YES1: variants seen among roughly 807,000 people sequenced by gnomAD.
The protein encoded by YES1 is YES proto-oncogene 1, Src family tyrosine kinase.
YES1 carries 39 observed loss-of-function variants against 70.4 expected under a neutral mutation model. The observed-to-expected ratio is 0.55, with a 90% CI of 0.43 to 0.72. The LOEUF is 0.72. Ranked by LOEUF, YES1 falls within the 30% of genes least tolerant of loss-of-function variation. The pLI, the probability that YES1 is intolerant of heterozygous loss-of-function variation, is 0.00. For synonymous variants in YES1, 198 were observed against 218.6 expected, an observed-to-expected ratio of 0.91 and a Z score of 0.83; for missense variants, 495 against 644.8, an observed-to-expected ratio of 0.77 and a Z score of 2.52.
At chr18:810,007 A>G (rs553924071) in intron 1 of YES1, among the ~76,000 whole-genome samples, 16 of 142,546 alleles carry the variant, frequency 1.1e-4, no homozygotes, top group African/African-American at 3.7e-4. Flanking sequence ...ATTTCCTTGC[A>G]GGTTTTTTTT....
chr18:727,856 T>C (rs1017881169), intron 11 of YES1, among the ~76,000 whole-genome samples: 2 of 152,148 alleles, frequency 1.3e-5, no homozygotes, highest in African/African-American at 4.8e-5. Context: ...TTCCCTGGCT[T>C]CCATATCTGA....
intron 1 of YES1, among the ~76,000 whole-genome samples, chr18:777,335 T>C (rs1905432933): frequency 6.6e-6 from 1 of 152,226 alleles, no homozygotes; most frequent in Non-Finnish European, 1.5e-5. Context: ...TGTAACTTGA[T>C]TCTGATTAAT....
At chr18:806,484 A>C (rs929899019) in intron 1 of YES1, among the ~76,000 whole-genome samples, 3 of 152,240 alleles carry the variant, frequency 2.0e-5, no homozygotes, top group South Asian at 2.1e-4. Context: ...GTAGAGGTGT[A>C]CTCAAAAGAT....
chr18:796,875 T>TA (rs1317169736), intron 1 of YES1, among the ~76,000 whole-genome samples: 1 of 152,082 alleles, frequency 6.6e-6, no homozygotes, highest in Non-Finnish European at 1.5e-5. Flanking sequence ...AGTGTGAAAA[T>TA]AGATTTAATA....
chr18:740,541 A>G (rs1237102061), intron 8 of YES1, among the ~76,000 whole-genome samples: 1 of 152,220 alleles, frequency 6.6e-6, no homozygotes, highest in Non-Finnish European at 1.5e-5. Context: ...GTCCAGAGCT[A>G]GGGAGACCAA....
At chr18:726,195 G>A (rs2080016526) in intron 11 of YES1, among the ~76,000 whole-genome samples, 1 of 151,898 alleles carries the variant, frequency 6.6e-6, no homozygotes, top group Admixed American at 6.6e-5. Context: ...GGAGGCCGAG[G>A]CAGGCAGATC....
intron 1 of YES1, among the ~76,000 whole-genome samples, chr18:769,040 T>TA (rs36004586): frequency 0.053 from 8,080 of 152,238 alleles, 287 homozygotes; most frequent in Non-Finnish European, 0.085. Flanking sequence ...ACCATTGTGT[T>TA]ACAACTGCCT....
chr18:739,084 C>CT (rs2080187669), intron 9 of YES1: 1 of 152,292 alleles, frequency 6.6e-6, no homozygotes, highest in Non-Finnish European at 1.5e-5. Flanking sequence ...CTCGGCCTCT[C>CT]AAAGTGCTCA....
In YES1 at chr18:745,737, G is replaced by C. The variant is rs746080500; in HGVS notation, c.695C>G (p.Thr232Ser). 6.2e-7 allele frequency: 1 copy of C among 1,611,890 alleles called. No homozygotes were observed. The highest frequency in any genetic ancestry group is 1.7e-5 in the Admixed American group (1 of 59,606). Reference protein sequence around the residue: ...YYITTRAQFDTLQKLVKHYTE... With the variant: ...YYITTRAQFDSLQKLVKHYTE... The stretch of plus-strand genomic sequence containing the variant: ...GTAGTGTTTCACCAATTTCTGCAGA[G>C]TATCAAATTGTGCTCTGGTTGTGAT... Residue 232 changes from threonine to serine, a missense_variant, in exon 6 of 12, where the codon ACT becomes AGT. By Grantham distance (58) the Thr-to-Ser change is moderately conservative. This residue lies in a region of YES1 where 385 missense variants were observed against 540.9 expected (regional missense o/e 0.71). Transcript: ENST00000314574.
chr18:744,760 C>T (rs12954187), intron 6 of YES1, among the ~76,000 whole-genome samples: 17,324 of 139,100 alleles, frequency 0.12, 1,339 homozygotes, highest in South Asian at 0.24. Context: ...TCTTGAACTC[C>T]TGGCCTCAAG....
At chr18:750,559 T>C (rs890245481) in intron 3 of YES1, among the ~76,000 whole-genome samples, 13 of 152,286 alleles carry the variant, frequency 8.5e-5, no homozygotes, top group African/African-American at 2.9e-4. Flanking sequence ...AAATATCCCC[T>C]GGGTGATTCT....
intron 1 of YES1, among the ~76,000 whole-genome samples, chr18:797,441 T>A (rs867668498): frequency 6.6e-6 from 1 of 151,910 alleles, no homozygotes; most frequent in African/African-American, 2.4e-5. Flanking sequence ...CACTTTATTA[T>A]GGAAAGAGGA....
Position 724,267 on chromosome 18 carries a change from G to GA in YES1, c.*156dup, listed in dbSNP as rs1319799918. On this transcript the variant is annotated 3_prime_UTR_variant, in exon 12 of 12. Transcript: ENST00000314574. Reference sequence around the variant, plus strand: ...GGTACATTAGAGTTTAATACTTGGGGAAAAAAAAGTGGTTTTGTGCAACCA... The same window carrying GA: ...GGTACATTAGAGTTTAATACTTGGGGAAAAAAAAAGTGGTTTTGTGCAACCA... 5.5e-5 allele frequency: 37 copies of GA among 674,432 alleles called. No homozygotes were observed. Among genetic ancestry groups the GA allele is most frequent in the South Asian group, 1.0e-4 (5 of 50,076 alleles). 41.8% of individuals were successfully genotyped at this position (674,432 alleles called of 1,614,324 possible).
chr18:763,896 C>T lies in YES1; in HGVS notation c.-8-7061G>A, dbSNP rs186914740. Among the ~76,000 whole-genome samples the T allele has an allele frequency of 6.1e-3, 923 of 151,896 alleles. 3 individuals carry two copies. The highest frequency in any genetic ancestry group is 0.016 in the South Asian group (79 of 4,800). On this transcript the variant is annotated intron_variant, in intron 1 of 11. Coordinates refer to ENST00000314574, the MANE Select transcript of YES1 (RefSeq NM_005433.4). ...CAGCACTTTGGGAGGCCGAGGCGGG[C>T]AGATCATGAGGTCAGGAGATCGAGA...
chr18:740,064 TC>T (rs1244505650), intron 8 of YES1, among the ~76,000 whole-genome samples: 2 of 152,232 alleles, frequency 1.3e-5, no homozygotes, highest in South Asian at 2.1e-4. Context: ...AGGCATTTTT[TC>T]CTCGCTTTGA....
chr18:782,895 A>G (rs1236569072), intron 1 of YES1, among the ~76,000 whole-genome samples: 2 of 152,164 alleles, frequency 1.3e-5, no homozygotes, highest in East Asian at 1.9e-4. Flanking sequence ...GGGTTTCGCC[A>G]TATTAGCCAC....
intron 11 of YES1, among the ~76,000 whole-genome samples, chr18:732,458 C>CA (rs2080103717): frequency 9.4e-6 from 1 of 106,510 alleles, no homozygotes; most frequent in African/African-American, 4.0e-5. Flanking sequence ...AAAAAAAAAA[C>CA]AAAACACCAA....
intron 10 of YES1, 133 bp downstream of exon 10, chr18:736,675 G>T (rs1258883406): frequency 8.4e-7 from 1 of 1,197,300 alleles, no homozygotes; most frequent in Non-Finnish European, 1.1e-6. Flanking sequence ...ATGATTTTAT[G>T]AATGAAATCA....
At chr18:763,847 C>A (rs1030634786) in intron 1 of YES1, among the ~76,000 whole-genome samples, 1 of 151,946 alleles carries the variant, frequency 6.6e-6, no homozygotes. Context: ...CGAGGCCAGG[C>A]GCAGTGGCTC....
Sources: gnomAD v4.1 joint callset for allele counts (sites outside exome capture counted in the v4.1 genomes callset) on GRCh38, gnomAD v4.1.1 for gene constraint, gnomAD v4.1.1 regional missense constraint, MANE v1.5 for transcripts, NCBI Gene and HGNC (gene_info 2026-07-23, HGNC 2026-07-21) for gene names.